Variants in LINGO2 observed in about 807,000 individuals in gnomAD.
The protein encoded by LINGO2 is leucine rich repeat and Ig domain containing 2.
Under a neutral mutation model 30.6 loss-of-function variants are expected in LINGO2, and 14 were observed. The observed-to-expected ratio is 0.46, with a 90% confidence interval of 0.30 to 0.72. The LOEUF (loss-of-function observed/expected upper bound fraction) is 0.72, where lower values mean the gene tolerates loss of function less well. LINGO2 is among the 30% of genes least tolerant of loss of function. The probability of loss-of-function intolerance (pLI) is 0.07; values close to 1 mark genes in which losing one functional copy is unlikely to be tolerated. For missense variants in LINGO2, 729 were observed against 751.7 expected (o/e 0.97, Z 0.35); for synonymous variants, 317 against 288.5 (o/e 1.10, Z -1.00).
chr9:29,133,669 C>T, the LINGO2 span, among the ~76,000 whole-genome samples: 22 of 152,152 alleles, frequency 1.4e-4, no homozygotes, highest in South Asian at 3.3e-3. Context: ...TATTTATTGG[C>T]AACAATAGTG....
chr9:28,492,262 A>C (rs1188196148), intron 1 of LINGO2, among the ~76,000 whole-genome samples: 1 of 152,184 alleles, frequency 6.6e-6, no homozygotes, highest in Non-Finnish European at 1.5e-5. Context: ...CAATTTGTCT[A>C]AACTATCCAG....
At chr9:28,027,086 A>G (rs893394659) in intron 4 of LINGO2, among the ~76,000 whole-genome samples, 1 of 152,216 alleles carries the variant, frequency 6.6e-6, no homozygotes, top group Admixed American at 6.5e-5. Context: ...TTGTTGCATC[A>G]TAATACATTA....
the LINGO2 span, among the ~76,000 whole-genome samples, chr9:28,761,600 T>A: frequency 2.0e-5 from 3 of 152,060 alleles, no homozygotes; most frequent in South Asian, 2.1e-4. Context: ...GATAATGTCA[T>A]CATGGCTTAA....
the LINGO2 span, among the ~76,000 whole-genome samples, chr9:28,711,901 A>G: frequency 6.6e-6 from 1 of 152,162 alleles, no homozygotes; most frequent in Non-Finnish European, 1.5e-5. Flanking sequence ...TAAGGCAATG[A>G]GTCTATTAAA....
In LINGO2 at chr9:28,618,354, T is replaced by C. The variant is rs147443067; in HGVS notation, c.-365+51846A>G. Among the ~76,000 whole-genome samples the C allele has an allele frequency of 1.8e-3, 271 of 152,268 alleles. 1 individual carries two copies. The highest frequency in any genetic ancestry group is 6.5e-3 in the African/African-American group (269 of 41,552). On this transcript the variant is annotated intron_variant, in intron 1 of 5. Transcript: ENST00000379992. Reference sequence around the variant, plus strand: ...ACATTCAATCATTAGCATCTCCGAGTGTGTTTCTCTCTCTCTCCTTTTCTT... The same window carrying C: ...ACATTCAATCATTAGCATCTCCGAGCGTGTTTCTCTCTCTCTCCTTTTCTT...
intron 1 of LINGO2, among the ~76,000 whole-genome samples, chr9:28,506,148 A>G (rs1820101405): frequency 6.6e-6 from 1 of 151,490 alleles, no homozygotes; most frequent in Non-Finnish European, 1.5e-5. Context: ...ATACCATCTC[A>G]AATAATTCTA....
chr9:28,188,927 G>C (rs921975173), intron 4 of LINGO2, among the ~76,000 whole-genome samples: 1 of 152,094 alleles, frequency 6.6e-6, no homozygotes, highest in Non-Finnish European at 1.5e-5. Flanking sequence ...TTGCCTATAA[G>C]GGAAAAGCAT....
chr9:27,951,657 T>A (rs1015913987), intron 5 of LINGO2, among the ~76,000 whole-genome samples: 2 of 152,066 alleles, frequency 1.3e-5, no homozygotes, highest in Non-Finnish European at 2.9e-5. Context: ...ACTGAATAAA[T>A]AAAAGGTGTA....
chr9:28,280,315 C>T (rs983881149), intron 4 of LINGO2, among the ~76,000 whole-genome samples: 2 of 151,924 alleles, frequency 1.3e-5, no homozygotes, highest in Admixed American at 6.6e-5. Context: ...AACAAGAGAG[C>T]TAAATATGTT....
the LINGO2 span, among the ~76,000 whole-genome samples, chr9:29,039,804 A>C: frequency 1.9e-4 from 29 of 152,256 alleles, no homozygotes; most frequent in African/African-American, 6.5e-4. Flanking sequence ...CAAGATGGGT[A>C]ATAGCCAGTG....
At chr9:28,469,870 G>A (rs1825452584) in intron 2 of LINGO2, among the ~76,000 whole-genome samples, 1 of 152,068 alleles carries the variant, frequency 6.6e-6, no homozygotes, top group South Asian at 2.1e-4. Context: ...GTAACTCAAA[G>A]TCATATGAAA....
intron 1 of LINGO2, among the ~76,000 whole-genome samples, chr9:28,554,318 T>A (rs1478263947): frequency 1.9e-4 from 28 of 148,568 alleles, no homozygotes; most frequent in African/African-American, 7.0e-4. Flanking sequence ...ACCAAGCCAA[T>A]GGAAAACAAA....
At chr9:28,775,797 C>A in the LINGO2 span, among the ~76,000 whole-genome samples, 11 of 152,220 alleles carry the variant, frequency 7.2e-5, no homozygotes, top group African/African-American at 2.6e-4. Context: ...ATGATATTTT[C>A]TAAATTTGGG....
chr9:28,782,421 C>T, the LINGO2 span, among the ~76,000 whole-genome samples: 66 of 152,056 alleles, frequency 4.3e-4, no homozygotes, highest in African/African-American at 1.6e-3. Context: ...GCTGAGGATG[C>T]AAGGGGTGAT....
intron 2 of LINGO2, among the ~76,000 whole-genome samples, chr9:28,409,620 GGTGT>G (rs150611305): frequency 0.023 from 3,334 of 145,778 alleles, 53 homozygotes; most frequent in African/African-American, 0.033. Context: ...GATGTGCAGG[GGTGT>G]GTGTGTGTGT....
At chr9:28,158,744 G>A (rs921035294) in intron 4 of LINGO2, among the ~76,000 whole-genome samples, 2 of 152,146 alleles carry the variant, frequency 1.3e-5, no homozygotes, top group Admixed American at 6.5e-5. Context: ...CTGCATGGGT[G>A]CACAGCAGCT....
chr9:29,054,859 G>A, the LINGO2 span, among the ~76,000 whole-genome samples: 1 of 152,072 alleles, frequency 6.6e-6, no homozygotes, highest in African/African-American at 2.4e-5. Context: ...ATCAGATGAG[G>A]CAAGATATTT....
chr9:28,177,387 C>A (rs79405596), intron 4 of LINGO2, among the ~76,000 whole-genome samples: 3 of 152,100 alleles, frequency 2.0e-5, no homozygotes, highest in Non-Finnish European at 4.4e-5. Context: ...TAGGGAAATC[C>A]GAATTTACGC....
chr9:28,215,490 TA>T (rs550347390), intron 4 of LINGO2, among the ~76,000 whole-genome samples: 1 of 151,810 alleles, frequency 6.6e-6, no homozygotes, highest in East Asian at 1.9e-4. Context: ...CTTTATATTT[TA>T]AAAAAAGCAT....
Sources: gnomAD v4.1 joint callset for allele counts (sites outside exome capture counted in the v4.1 genomes callset) on GRCh38, gnomAD v4.1.1 for gene constraint, MANE v1.5 for transcripts, NCBI Gene and HGNC (gene_info 2026-07-23, HGNC 2026-07-21) for gene names.